Variants in FRYL observed in about 807,000 individuals in gnomAD.
FRYL encodes the protein FRY like transcription coactivator.
In FRYL, 150 loss-of-function variants were observed where a neutral mutation model predicts 351.2. The observed-to-expected ratio is 0.43, with a 90% CI of 0.37 to 0.49. FRYL has a LOEUF of 0.49. FRYL is among the 20% of genes least tolerant of loss of function. The pLI, the probability that FRYL is intolerant of heterozygous loss-of-function variation, is 0.00. For missense variants in FRYL, 3,036 were observed against 3,619.3 expected (o/e 0.84, Z 4.13); for synonymous variants, 1,153 against 1,257.1 (o/e 0.92, Z 1.75).
In FRYL at chr4:48,515,094, G is replaced by T; in HGVS notation, c.7871C>A (p.Thr2624Asn). Residue 2624 changes from threonine (T) to asparagine (N), a missense_variant, in exon 56 of 64, where the codon ACC (threonine) becomes AAC (asparagine). Transcript: ENST00000358350. The stretch of plus-strand genomic sequence containing the variant: ...TTCATCTAGCTCTTTCAGAGCTAAG[G>T]TAACATCCTCTTCACAGACTGACTC... ...YPESVCEEDVTLALKELDERC... is the reference protein window; with the variant it reads ...YPESVCEEDVNLALKELDERC... The T allele has an allele frequency of 6.2e-7, 1 of 1,613,504 alleles. No individual in the cohort carries two copies. The highest frequency in any genetic ancestry group is 8.5e-7 in the Non-Finnish European group (1 of 1,179,512).
At chr4:48,721,175 T>C (rs1769427540) in intron 1 of FRYL, among the ~76,000 whole-genome samples, 1 of 152,204 alleles carries the variant, frequency 6.6e-6, no homozygotes, top group South Asian at 2.1e-4. Context: ...TGCTTGGTTT[T>C]ATATACTTAT....
Position 48,620,747 on chromosome 4 carries a change from T to A in FRYL, c.206A>T (p.His69Leu), listed in dbSNP as rs1443397225. 1 of 1,613,822 alleles carries A rather than the reference T, an allele frequency of 6.2e-7. No homozygotes were observed. The highest frequency in any genetic ancestry group is 1.3e-5 in the African/African-American group (1 of 74,924). Residue 69 changes from histidine to leucine, a missense_variant, in exon 6 of 64, where the codon CAC becomes CTC. This residue lies in a region of FRYL where 457 missense variants were observed against 566.6 expected (regional missense o/e 0.81). Transcript: ENST00000358350. ...GGTGCGAAGTAAGGAAGGGAGACAG[T>A]GCTCTGCTACTGAGCTCATAGAGCT... is the stretch of plus-strand genomic sequence containing the variant. Reference protein sequence around the residue: ...LISSMSSVAEHCLPSLLRTLF... With the variant: ...LISSMSSVAELCLPSLLRTLF...
At chr4:48,593,488 G>T (rs1398657036) in intron 16 of FRYL, among the ~76,000 whole-genome samples, 3 of 152,096 alleles carry the variant, frequency 2.0e-5, no homozygotes, top group Non-Finnish European at 4.4e-5. Context: ...GGGATTACAG[G>T]CATGTGCCAC....
rs1255613103 is a variant in FRYL, at chr4:48,540,850, T to C, written c.5798A>G (p.Tyr1933Cys). 1.2e-6 allele frequency: 2 copies of C among 1,613,954 alleles called. No homozygotes were observed. The highest frequency in any genetic ancestry group is 1.1e-5 in the South Asian group (1 of 91,084). ...SPINSSSYLG[Y>C]NSNARSNSLR... ...AGAGTTACTTCTTGCATTACTGTTA[T>C]ATCCCAAATAACTGCTACTATTAAT... The change falls in exon 46 of 64, where the codon TAT becomes TGT. Residue 1933 changes from tyrosine to cysteine, a missense_variant. This residue lies in a region of FRYL where 1,987 missense variants were observed against 2,311.7 expected (regional missense o/e 0.86). Transcript: ENST00000358350.
At chr4:48,537,383 C>G (rs1553922462) in intron 47 of FRYL, among the ~76,000 whole-genome samples, 1 of 152,014 alleles carries the variant, frequency 6.6e-6, no homozygotes, top group Non-Finnish European at 1.5e-5. Flanking sequence ...TTATAACAAA[C>G]TTTTTTAGCA....
In FRYL at chr4:48,534,595, C is replaced by A; in HGVS notation, c.6655G>T (p.Ala2219Ser). Residue 2219 changes from alanine (A) to serine (S), a missense_variant, in exon 49 of 64, where the codon GCC becomes TCC. Ala to Ser is a moderately conservative substitution (Grantham distance 99). Coordinates refer to ENST00000358350, the MANE Select transcript of FRYL (RefSeq NM_015030.2). Reference sequence around the variant, plus strand: ...ATGATCTCCAGATTAAACTGCTTGGCTGGGGCTGCAGACAGGTCAATATGA... The same window carrying A: ...ATGATCTCCAGATTAAACTGCTTGGATGGGGCTGCAGACAGGTCAATATGA... ...LSHIDLSAAP[A>S]KQFNLEIIKI... The A allele has an allele frequency of 1.2e-6, 2 of 1,612,696 alleles. No homozygotes were observed. Among genetic ancestry groups the A allele is most frequent in the Non-Finnish European group, 8.5e-7 (1 of 1,179,008 alleles).
intron 4 of FRYL, among the ~76,000 whole-genome samples, chr4:48,628,431 CGTGTGTGTGT>C (rs397993302): frequency 9.0e-5 from 13 of 144,752 alleles, no homozygotes; most frequent in Admixed American, 2.8e-4. Context: ...CCTTCATTTG[CGTGTGTGTGT>C]GTGTGTGTGT....
chr4:48,621,758 A>G (rs1253977091), intron 5 of FRYL, among the ~76,000 whole-genome samples: 4 of 152,152 alleles, frequency 2.6e-5, no homozygotes, highest in Non-Finnish European at 5.9e-5. Flanking sequence ...CTGTTATTTC[A>G]TATTCTGCAT....
Position 48,498,736 on chromosome 4 carries a change from G to C in FRYL, c.*686C>G, listed in dbSNP as rs113284934. 6.6e-6 allele frequency: 1 copy of C among 152,436 alleles called. No homozygotes were observed. Among genetic ancestry groups the C allele is most frequent in the Non-Finnish European group, 1.5e-5 (1 of 68,018 alleles). The allele number at this position is 152,436 out of a possible 1,614,324, so 9.4% of individuals were successfully genotyped here. On this transcript the variant is annotated 3_prime_UTR_variant, in exon 64 of 64. Coordinates refer to ENST00000358350, the MANE Select transcript of FRYL (RefSeq NM_015030.2). ...ATAACATTTCTTCAAAAATAATCTT[G>C]CAGTGCTCTTTTAGGCATGCTCTGA...
chr4:48,548,581 CAT>C, intron 40 of FRYL, 107 bp downstream of exon 40: 1 of 662,210 alleles, frequency 1.5e-6, no homozygotes, highest in Non-Finnish European at 2.6e-6. Context: ...ATGGAAATAA[CAT>C]AAAAATAACA....
chr4:48,657,564 A>G (rs1385926941), intron 3 of FRYL, among the ~76,000 whole-genome samples: 2 of 152,014 alleles, frequency 1.3e-5, no homozygotes, highest in Non-Finnish European at 2.9e-5. Context: ...CCAATTTTCG[A>G]TTGTATTCTT....
intron 2 of FRYL, among the ~76,000 whole-genome samples, chr4:48,700,540 G>C (rs182066833): frequency 1.3e-5 from 2 of 152,076 alleles, no homozygotes; most frequent in Admixed American, 1.3e-4. Context: ...CAGTGGTCAC[G>C]CCTGTAATCC....
In FRYL at chr4:48,697,208, C is replaced by G. The variant is rs1420639601; in HGVS notation, c.-203-12413G>C. Among the ~76,000 whole-genome samples the G allele has an allele frequency of 3.3e-5, 5 of 151,938 alleles. No individual in the cohort carries two copies. The East Asian group carries it at 9.6e-4, about 29-fold the overall frequency. On this transcript the variant is annotated intron_variant, in intron 2 of 63. Coordinates refer to ENST00000358350, the MANE Select transcript of FRYL (RefSeq NM_015030.2). ...ATACAGTAAAAGACATTTCTTATAA[C>G]AGCCTGAAAATTATGACTCTTACTT...
At chr4:48,684,638 C>T (rs1326698133) in intron 3 of FRYL, 35 bp downstream of exon 3, 2 of 152,170 alleles carry the variant, frequency 1.3e-5, no homozygotes, top group African/African-American at 4.8e-5. Context: ...ACCTCAATCA[C>T]TATTTAGCCT....
intron 1 of FRYL, among the ~76,000 whole-genome samples, chr4:48,744,249 T>C (rs1002093876): frequency 1.6e-4 from 24 of 152,152 alleles, no homozygotes; most frequent in African/African-American, 5.5e-4. Context: ...TCTGTAAAAA[T>C]ACTAAAATCC....
chr4:48,558,095 A>G (rs749907378), intron 33 of FRYL, among the ~76,000 whole-genome samples: 19 of 152,224 alleles, frequency 1.2e-4, no homozygotes, highest in Non-Finnish European at 2.5e-4. Context: ...CAGAAACTCA[A>G]ACAAATATTT....
At chr4:48,644,763 A>T (rs1756050228) in intron 3 of FRYL, among the ~76,000 whole-genome samples, 1 of 152,064 alleles carries the variant, frequency 6.6e-6, no homozygotes, top group Admixed American at 6.6e-5. Context: ...AGAAATTGGG[A>T]ATCTTCTTAT....
chr4:48,761,917 C>T (rs1426703875), intron 1 of FRYL, among the ~76,000 whole-genome samples: 2 of 152,112 alleles, frequency 1.3e-5, no homozygotes, highest in African/African-American at 4.8e-5. Context: ...CATTGTTAGG[C>T]GTATGGCTAC....
chr4:48,670,362 G>C (rs1307494934), intron 3 of FRYL, among the ~76,000 whole-genome samples: 1 of 151,818 alleles, frequency 6.6e-6, no homozygotes, highest in Non-Finnish European at 1.5e-5. Context: ...GAACCCGAGA[G>C]GAGGAGGCTG....
Sources: gnomAD v4.1 joint callset for allele counts (sites outside exome capture counted in the v4.1 genomes callset) on GRCh38, gnomAD v4.1.1 for gene constraint, gnomAD v4.1.1 regional missense constraint, MANE v1.5 for transcripts, NCBI Gene and HGNC (gene_info 2026-07-23, HGNC 2026-07-21) for gene names.